Variants in RNGTT observed in about 807,000 individuals in gnomAD.
RNGTT encodes mRNA-capping enzyme.
Under a neutral mutation model 79.3 loss-of-function variants are expected in RNGTT, and 33 were observed. The ratio of observed to expected loss-of-function variants is 0.42; its 90% CI spans 0.32 to 0.56. The LOEUF (loss-of-function observed/expected upper bound fraction) is 0.56. RNGTT is among the 20% of genes least tolerant of loss of function. The pLI, the probability that RNGTT is intolerant of heterozygous loss-of-function variation, is 0.17. For missense variants in RNGTT, 497 were observed against 739.1 expected, an observed-to-expected ratio of 0.67 and a Z score of 3.80; for synonymous variants, 222 against 235.9, an observed-to-expected ratio of 0.94 and a Z score of 0.54.
chr6:88,768,151 T>C (rs1213686753), intron 13 of RNGTT, among the ~76,000 whole-genome samples: 2 of 151,912 alleles, frequency 1.3e-5, no homozygotes, highest in African/African-American at 4.8e-5. Flanking sequence ...TGTGTGTGTG[T>C]GTGTGTGTGT....
At chr6:88,667,092 C>G (rs1376080683) in intron 14 of RNGTT, among the ~76,000 whole-genome samples, 1 of 152,200 alleles carries the variant, frequency 6.6e-6, no homozygotes, top group African/African-American at 2.4e-5. Context: ...TTAGGGAATT[C>G]TGGAGCAGAC....
chr6:88,655,848 G>T (rs376115943), intron 14 of RNGTT, among the ~76,000 whole-genome samples: 2 of 152,104 alleles, frequency 1.3e-5, no homozygotes, highest in African/African-American at 4.8e-5. Flanking sequence ...CCCTTTGGCT[G>T]ATTAAATGTG....
intron 4 of RNGTT, among the ~76,000 whole-genome samples, chr6:88,916,674 G>T (rs2127948328): frequency 6.6e-6 from 1 of 152,146 alleles, no homozygotes; most frequent in East Asian, 1.9e-4. Flanking sequence ...AAAAACCCAG[G>T]TTATACATTT....
chr6:88,951,594 A>C (rs1199479028), intron 1 of RNGTT, among the ~76,000 whole-genome samples: 1 of 152,202 alleles, frequency 6.6e-6, no homozygotes, highest in African/African-American at 2.4e-5. Context: ...ATGAGCTCCC[A>C]AAGTGTGAGA....
chr6:88,787,592 G>A (rs1779270780), intron 12 of RNGTT, among the ~76,000 whole-genome samples: 1 of 152,078 alleles, frequency 6.6e-6, no homozygotes, highest in Non-Finnish European at 1.5e-5. Flanking sequence ...CCAGGAGGCT[G>A]AGGTTGCAGT....
intron 13 of RNGTT, among the ~76,000 whole-genome samples, chr6:88,691,722 G>A (rs1454264143): frequency 6.6e-6 from 1 of 152,044 alleles, no homozygotes; most frequent in African/African-American, 2.4e-5. Flanking sequence ...TATGTTTTAT[G>A]AACTTCCTAC....
chr6:88,917,198 C>T (rs1351715530), intron 4 of RNGTT, among the ~76,000 whole-genome samples: 1 of 152,154 alleles, frequency 6.6e-6, no homozygotes, highest in Non-Finnish European at 1.5e-5. Flanking sequence ...AAACATGCTA[C>T]TTTTAAAATT....
At chr6:88,920,494 TC>T (rs1784131608) in intron 4 of RNGTT, among the ~76,000 whole-genome samples, 1 of 152,168 alleles carries the variant, frequency 6.6e-6, no homozygotes, top group Non-Finnish European at 1.5e-5. Context: ...GTATATATAT[TC>T]ATACATTTAT....
chr6:88,754,563 T>C (rs1275641399), intron 13 of RNGTT, among the ~76,000 whole-genome samples: 1 of 152,170 alleles, frequency 6.6e-6, no homozygotes. Flanking sequence ...ATAAAGTAAC[T>C]TGTTGGGAAC....
At chr6:88,667,633 C>A (rs73752992) in intron 14 of RNGTT, among the ~76,000 whole-genome samples, 3,758 of 152,172 alleles carry the variant, frequency 0.025, 139 homozygotes, top group African/African-American at 0.085. Flanking sequence ...TGAAGTAACC[C>A]GTGTGCTTCT....
At chr6:88,643,411 T>A (rs1188518447) in intron 14 of RNGTT, among the ~76,000 whole-genome samples, 3 of 152,186 alleles carry the variant, frequency 2.0e-5, no homozygotes, top group Non-Finnish European at 4.4e-5. Context: ...TGGGAGACTT[T>A]AACACCCCAC....
At chr6:88,654,863 A>C (rs1773919433) in intron 14 of RNGTT, among the ~76,000 whole-genome samples, 1 of 152,350 alleles carries the variant, frequency 6.6e-6, no homozygotes, top group Non-Finnish European at 1.5e-5. Flanking sequence ...AATCAAAAGA[A>C]AAAGAAACAA....
chr6:88,763,772 G>A (rs1778349622), intron 13 of RNGTT, among the ~76,000 whole-genome samples: 1 of 152,162 alleles, frequency 6.6e-6, no homozygotes, highest in African/African-American at 2.4e-5. Context: ...AGCCTATCAG[G>A]ATAGCTTCTC....
chr6:88,686,156 C>T (rs1475750760), intron 13 of RNGTT, among the ~76,000 whole-genome samples: 2 of 148,522 alleles, frequency 1.3e-5, no homozygotes, highest in Non-Finnish European at 3.0e-5. Context: ...AAAAATGAAA[C>T]TATGGATGAT....
At chr6:88,663,529 TG>T (rs1198638710) in intron 14 of RNGTT, among the ~76,000 whole-genome samples, 1 of 152,142 alleles carries the variant, frequency 6.6e-6, no homozygotes, top group Non-Finnish European at 1.5e-5. Flanking sequence ...GGAAAAGTCT[TG>T]CTCCACCCGC....
intron 12 of RNGTT, among the ~76,000 whole-genome samples, chr6:88,792,375 A>G (rs1299091710): frequency 1.3e-5 from 2 of 152,184 alleles, no homozygotes; most frequent in Non-Finnish European, 2.9e-5. Flanking sequence ...TGAATATACA[A>G]ACAGCAATCA....
chr6:88,881,827 G>T (rs528396547), intron 8 of RNGTT, among the ~76,000 whole-genome samples: 125 of 152,242 alleles, frequency 8.2e-4, no homozygotes, highest in African/African-American at 2.8e-3. Context: ...TACTCCCACT[G>T]CCCTACTCTA....
At chr6:88,685,175 C>T (rs755943100) in intron 13 of RNGTT, among the ~76,000 whole-genome samples, 13 of 152,090 alleles carry the variant, frequency 8.5e-5, no homozygotes, top group Admixed American at 1.3e-4. Flanking sequence ...AGGAAATTTT[C>T]AGAGCAGAAA....
At chr6:88,818,392 G>A (rs1292371986) in intron 11 of RNGTT, among the ~76,000 whole-genome samples, 1 of 151,910 alleles carries the variant, frequency 6.6e-6, no homozygotes, top group Non-Finnish European at 1.5e-5. Flanking sequence ...AGACCAGCCT[G>A]GCCAACATGG....
Sources: allele counts gnomAD v4.1 joint callset (sites outside exome capture counted in the v4.1 genomes callset), GRCh38; gene constraint gnomAD v4.1.1; transcripts MANE v1.5; gene names NCBI Gene and HGNC (gene_info 2026-07-23, HGNC 2026-07-21).